NSUN6: variants seen among roughly 807,000 people sequenced by gnomAD.
NSUN6 encodes NOP2/Sun RNA methyltransferase 6.
In NSUN6, 64 loss-of-function variants were observed where a neutral mutation model predicts 58.0. The observed-to-expected ratio is 1.10, with a 90% CI of 0.90 to 1.36. The LOEUF is 1.36. Ranked by LOEUF, NSUN6 falls within the 40% of genes most tolerant of loss-of-function variation. The pLI is 0.00. For missense variants in NSUN6, 701 were observed against 550.1 expected (o/e 1.27, Z -2.74); for synonymous variants, 231 against 193.9 (o/e 1.19, Z -1.59).
chr10:18,600,954 ATATATACATATATATATATATAT>A lies in NSUN6; in HGVS notation c.658-4650_658-4628del, dbSNP rs1222462406. Among the ~76,000 whole-genome samples, 111 of 95,142 alleles carry A rather than the reference ATATATACATATATATATATATAT, an allele frequency of 1.2e-3. 4 individuals are homozygous for A. Among genetic ancestry groups the A allele is most frequent in the Admixed American group, 2.0e-3 (16 of 8,162 alleles). 62.4% of individuals were successfully genotyped at this position (95,142 alleles called of 152,430 possible). A position where few individuals can be genotyped will look rare whatever the true frequency, so the allele number is the denominator to read the frequency against. On this transcript the variant is annotated intron_variant, in intron 6 of 10. Transcript: ENST00000377304. ...AAAAAAAAAAAAAATATATATATAT[ATATATACATATATATATATATAT>A]GTATATATATATATATTATATACTA...
chr10:18,657,772 C>A (rs1267484634), upstream of NSUN6, among the ~76,000 whole-genome samples: 1 of 152,046 alleles, frequency 6.6e-6, no homozygotes, highest in Admixed American at 6.6e-5. Flanking sequence ...TGCCACCACA[C>A]CCGGCTAATT....
chr10:18,553,124 CTCCAT>C lies in NSUN6; in HGVS notation c.923-1158_923-1154del, dbSNP rs1348495983. On this transcript the variant is annotated intron_variant, in intron 8 of 10. Coordinates refer to ENST00000377304, the MANE Select transcript of NSUN6 (RefSeq NM_182543.5). ...ATTCTCCATTCCATTCCGTTCGATT[CTCCAT>C]TCCATTCCATTCTCCCTTCCCTTCC... Among the ~76,000 whole-genome samples the C allele has an allele frequency of 7.9e-5, 12 of 151,600 alleles. No homozygotes were observed. In the South Asian group the frequency reaches 1.3e-3, roughly 16 times the overall value.
intron 4 of NSUN6, 88 bp downstream of exon 4, chr10:18,616,096 A>G: frequency 2.5e-6 from 2 of 802,560 alleles, no homozygotes; most frequent in South Asian, 1.6e-5. Flanking sequence ...TTTGGAATAT[A>G]TCTTAGTGAC....
chr10:18,603,288 G>C (rs1451658733), intron 6 of NSUN6, among the ~76,000 whole-genome samples: 2 of 152,024 alleles, frequency 1.3e-5, no homozygotes, highest in African/African-American at 4.8e-5. Flanking sequence ...AATCAAAACA[G>C]TAGACAGATG....
At position 18,617,025 on chromosome 10, in the gene NSUN6, C is replaced by A. The variant is rs897816210; in HGVS notation, c.312-732G>T. 2.6e-5 allele frequency among the ~76,000 whole-genome samples: 4 copies of A among 152,078 alleles called. No homozygotes were observed. The East Asian group carries it at 5.8e-4, about 22-fold the overall frequency. The stretch of plus-strand genomic sequence containing the variant: ...CCACTCTTTCCTGGTCCCAAACATT[C>A]TCATTGCTCATTCTCTGCCTACTTC... On this transcript the variant is annotated intron_variant, in intron 3 of 10. Transcript: ENST00000377304.
At position 18,633,730 on chromosome 10, in the gene NSUN6, C is replaced by G. The variant is rs4468242; in HGVS notation, c.311+8746G>C. Reference sequence around the variant, plus strand: ...AAATAGATTGTCAGAAATGGCATAACCAGACAATCTGTTGTTTTCTCTAAC... The same window carrying G: ...AAATAGATTGTCAGAAATGGCATAAGCAGACAATCTGTTGTTTTCTCTAAC... On this transcript the variant is annotated intron_variant, in intron 3 of 10. Transcript: ENST00000377304. 4.6e-5 allele frequency among the ~76,000 whole-genome samples: 7 copies of G among 152,118 alleles called. No individual in the cohort carries two copies. The East Asian group carries it at 1.4e-3, about 29-fold the overall frequency.
At chr10:18,658,047 A>G (rs1057369644), upstream of NSUN6, among the ~76,000 whole-genome samples, 4 of 152,148 alleles carry the variant, frequency 2.6e-5, no homozygotes, top group African/African-American at 7.2e-5. Context: ...GCTGTTACGG[A>G]ATCTAAAGTT....
intron 7 of NSUN6, 106 bp from the exon 8 acceptor site, chr10:18,586,199 C>A: frequency 1.2e-6 from 1 of 822,114 alleles, no homozygotes; most frequent in Non-Finnish European, 1.8e-6. Context: ...TGGTCTTTTC[C>A]ACCATACTCC....
At chr10:18,599,393 C>T (rs2057719039) in intron 6 of NSUN6, among the ~76,000 whole-genome samples, 1 of 152,170 alleles carries the variant, frequency 6.6e-6, no homozygotes, top group Non-Finnish European at 1.5e-5. Context: ...TGCCCGGTGA[C>T]AGAGTTTTCT....
intron 8 of NSUN6, among the ~76,000 whole-genome samples, chr10:18,555,969 T>A (rs2054985721): frequency 7.0e-6 from 1 of 142,976 alleles, no homozygotes; most frequent in South Asian, 2.2e-4. Context: ...TGGTATGGAA[T>A]GGAGAATTAA....
At chr10:18,574,086 G>C (rs766393928) in intron 8 of NSUN6, among the ~76,000 whole-genome samples, 10 of 152,032 alleles carry the variant, frequency 6.6e-5, no homozygotes, top group Non-Finnish European at 1.3e-4. Flanking sequence ...GTGGACAGTG[G>C]AGTAGCTTTA....
rs772217087 is a variant in NSUN6 at position 18,546,135 on chromosome 10, A to T, written c.1208T>A (p.Ile403Asn). 1 of 1,610,836 alleles carries T rather than the reference A, an allele frequency of 6.2e-7. No homozygotes were observed. The highest frequency in any genetic ancestry group is 8.5e-7 in the Non-Finnish European group (1 of 1,177,120). ...AGCTCCCCTCATTCCTTCTCCTCCA[A>T]TCTGCGGTTCCTGTTTGGAGAAAGT... ...CLQLQPQEPQ[I>N]GGEGMRGAGL... Residue 403 changes from isoleucine to asparagine, a missense_variant, in exon 11 of 11, where the codon ATT becomes AAT. Physicochemically the swap from Ile to Asn is moderately radical, Grantham distance 149. Transcript: ENST00000377304.
intron 5 of NSUN6, among the ~76,000 whole-genome samples, chr10:18,614,176 T>G (rs992086349): frequency 2.0e-5 from 3 of 152,090 alleles, no homozygotes; most frequent in Admixed American, 2.0e-4. Context: ...TGCACTGTTT[T>G]TCAAAGATGC....
At chr10:18,589,646 T>G (rs944710240) in intron 7 of NSUN6, among the ~76,000 whole-genome samples, 1 of 152,130 alleles carries the variant, frequency 6.6e-6, no homozygotes, top group African/African-American at 2.4e-5. Context: ...GAATTTCACA[T>G]CTAGCCAAAT....
chr10:18,645,802 C>G (rs1375604924), intron 2 of NSUN6, among the ~76,000 whole-genome samples: 1 of 152,046 alleles, frequency 6.6e-6, no homozygotes, highest in East Asian at 1.9e-4. Context: ...CACCAATGTT[C>G]CAAAGAGATC....
chr10:18,553,753 A>T (rs1203471696), intron 8 of NSUN6, among the ~76,000 whole-genome samples: 1 of 151,514 alleles, frequency 6.6e-6, no homozygotes, highest in Non-Finnish European at 1.5e-5. Context: ...AGAATGCTGA[A>T]TGGAATGGAG....
upstream of NSUN6, among the ~76,000 whole-genome samples, chr10:18,657,532 C>T (rs758433448): frequency 6.6e-6 from 1 of 152,146 alleles, no homozygotes; most frequent in Non-Finnish European, 1.5e-5. Flanking sequence ...ATAATTCAAA[C>T]TTACTGTCTC....
chr10:18,588,231 C>T (rs572617137), intron 7 of NSUN6, among the ~76,000 whole-genome samples: 17 of 152,208 alleles, frequency 1.1e-4, no homozygotes, highest in Non-Finnish European at 1.9e-4. Flanking sequence ...CCTCACTGGG[C>T]AGGGCATCTC....
intron 7 of NSUN6, among the ~76,000 whole-genome samples, chr10:18,587,230 T>C (rs888149452): frequency 1.3e-5 from 2 of 152,172 alleles, no homozygotes; most frequent in South Asian, 2.1e-4. Context: ...TGGAACAACA[T>C]GAGCTAATGC....
Sources: allele counts gnomAD v4.1 joint callset (sites outside exome capture counted in the v4.1 genomes callset), GRCh38; gene constraint gnomAD v4.1.1; transcripts MANE v1.5; gene names NCBI Gene and HGNC (gene_info 2026-07-23, HGNC 2026-07-21).